KLHL1: variants seen among roughly 807,000 people sequenced by gnomAD.
KLHL1 encodes the protein kelch-like protein 1.
In KLHL1, 47 loss-of-function variants were observed where a neutral mutation model predicts 77.7. That is an observed-to-expected ratio of 0.60 (90% CI 0.48 to 0.77). The LOEUF is 0.77. Among genes scored for constraint, KLHL1 ranks in the 30% least tolerant of loss-of-function variants. The pLI is 0.00. For missense variants in KLHL1, 925 were observed against 910.8 expected (o/e 1.02, Z -0.20); for synonymous variants, 360 against 325.2 (o/e 1.11, Z -1.15).
At chr13:69,827,698 T>C (rs148311375) in intron 6 of KLHL1, among the ~76,000 whole-genome samples, 2,232 of 130,846 alleles carry the variant, frequency 0.017, 56 homozygotes, top group African/African-American at 0.061. Context: ...GCCACTGCAC[T>C]CCAGCCTGGC....
chr13:69,834,231 C>T (rs943599668), intron 6 of KLHL1, among the ~76,000 whole-genome samples: 1 of 150,958 alleles, frequency 6.6e-6, no homozygotes, highest in Non-Finnish European at 1.5e-5. Context: ...TCCCACAAAC[C>T]TATTGAAATT....
chr13:70,003,527 C>T (rs1246125936), intron 1 of KLHL1, among the ~76,000 whole-genome samples: 2 of 151,780 alleles, frequency 1.3e-5, no homozygotes, highest in African/African-American at 4.8e-5. Context: ...GTCATATTCA[C>T]TGCCTCCCTT....
intron 5 of KLHL1, among the ~76,000 whole-genome samples, chr13:69,839,501 G>A (rs1879159152): frequency 6.6e-6 from 1 of 151,810 alleles, no homozygotes; most frequent in Non-Finnish European, 1.5e-5. Context: ...AACATGTCAG[G>A]TGAAAGACAT....
intron 1 of KLHL1, among the ~76,000 whole-genome samples, chr13:69,976,029 AAG>A (rs1257020337): frequency 1.3e-5 from 2 of 152,156 alleles, no homozygotes; most frequent in African/African-American, 4.8e-5. Flanking sequence ...AGTTCTTTAA[AAG>A]AGGTTTAAAA....
chr13:69,789,050 TC>T (rs1876724085), intron 7 of KLHL1, among the ~76,000 whole-genome samples: 2 of 104,098 alleles, frequency 1.9e-5, no homozygotes, highest in Non-Finnish European at 2.1e-5. Flanking sequence ...TATCTATCTA[TC>T]TATCTATCTA....
At chr13:69,782,131 T>A (rs888258351) in intron 7 of KLHL1, among the ~76,000 whole-genome samples, 1 of 152,092 alleles carries the variant, frequency 6.6e-6, no homozygotes, top group African/African-American at 2.4e-5. Flanking sequence ...TTAAGCTCTC[T>A]CTTGGAAGAT....
intron 1 of KLHL1, among the ~76,000 whole-genome samples, chr13:70,043,536 T>A (rs2137382422): frequency 6.6e-6 from 1 of 152,288 alleles, no homozygotes; most frequent in Non-Finnish European, 1.5e-5. Flanking sequence ...CCAGAGCAAC[T>A]TTCAGTTGTG....
intron 5 of KLHL1, among the ~76,000 whole-genome samples, chr13:69,840,639 A>C (rs959014771): frequency 1.3e-5 from 2 of 151,720 alleles, no homozygotes; most frequent in African/African-American, 4.8e-5. Flanking sequence ...TTGTATACTA[A>C]TACCTTAGCT....
At chr13:69,909,798 A>C (rs1882175378) in intron 4 of KLHL1, among the ~76,000 whole-genome samples, 1 of 152,194 alleles carries the variant, frequency 6.6e-6, no homozygotes, top group African/African-American at 2.4e-5. Context: ...ATTATACCCC[A>C]AAATTATCAC....
At chr13:69,891,311 T>C (rs982695720) in intron 4 of KLHL1, among the ~76,000 whole-genome samples, 1 of 151,998 alleles carries the variant, frequency 6.6e-6, no homozygotes, top group East Asian at 1.9e-4. Flanking sequence ...AATATGAGAG[T>C]ATTAATTTTT....
At chr13:69,840,141 T>C (rs1011098953) in intron 5 of KLHL1, among the ~76,000 whole-genome samples, 2 of 152,112 alleles carry the variant, frequency 1.3e-5, no homozygotes, top group African/African-American at 4.8e-5. Context: ...ACTATAATTA[T>C]GACTTTAATT....
chr13:69,720,058 A>G, intron 8 of KLHL1, among the ~76,000 whole-genome samples: 1 of 152,114 alleles, frequency 6.6e-6, no homozygotes, highest in East Asian at 1.9e-4. Flanking sequence ...AATAAATGTA[A>G]TAAACTAAAA....
intron 10 of KLHL1, 66 bp downstream of exon 10, chr13:69,707,559 C>T (rs567350854): frequency 2.1e-6 from 3 of 1,463,250 alleles, no homozygotes; most frequent in African/African-American, 1.4e-5. Flanking sequence ...GTATACCCCT[C>T]CTCCACAGAA....
At chr13:69,717,016 C>T (rs533789680) in intron 9 of KLHL1, among the ~76,000 whole-genome samples, 1 of 152,218 alleles carries the variant, frequency 6.6e-6, no homozygotes, top group East Asian at 1.9e-4. Flanking sequence ...TCCTCATTCT[C>T]ATTCAGTCCC....
At chr13:69,717,024 C>T (rs1872792350) in intron 9 of KLHL1, among the ~76,000 whole-genome samples, 1 of 152,114 alleles carries the variant, frequency 6.6e-6, no homozygotes, top group Admixed American at 6.6e-5. Context: ...CTCATTCAGT[C>T]CCTGCCTTCT....
intron 7 of KLHL1, among the ~76,000 whole-genome samples, chr13:69,774,757 A>T (rs1040393965): frequency 1.3e-5 from 2 of 152,112 alleles, no homozygotes; most frequent in African/African-American, 4.8e-5. Flanking sequence ...CTTGTATATT[A>T]ACTTTGCAGA....
rs146036287 is a variant in KLHL1, at chr13:70,004,557, G to C, written c.498-28755C>G. Among the ~76,000 whole-genome samples the C allele has an allele frequency of 3.3e-3, 498 of 151,746 alleles. 3 individuals carry two copies. The highest frequency in any genetic ancestry group is 0.011 in the African/African-American group (473 of 41,434). ...CCACGTTTCCTTTTTTTGTATTATA[G>C]TCTTTGTTGATTATTATGATTATAA... is the stretch of plus-strand genomic sequence containing the variant. On this transcript the variant is annotated intron_variant, in intron 1 of 10. Coordinates refer to ENST00000377844, the MANE Select transcript of KLHL1 (RefSeq NM_020866.3).
chr13:69,985,751 A>G (rs1371728047), intron 1 of KLHL1, among the ~76,000 whole-genome samples: 1 of 148,198 alleles, frequency 6.7e-6, no homozygotes, highest in African/African-American at 2.5e-5. Flanking sequence ...ATCAAAGGCT[A>G]AATGGATAAA....
intron 7 of KLHL1, among the ~76,000 whole-genome samples, chr13:69,758,481 T>A (rs1874869769): frequency 6.6e-6 from 1 of 152,122 alleles, no homozygotes; most frequent in Non-Finnish European, 1.5e-5. Flanking sequence ...CCAGACAAAA[T>A]GACTTTTTCT....
Sources: allele counts gnomAD v4.1 joint callset (sites outside exome capture counted in the v4.1 genomes callset), GRCh38; gene constraint gnomAD v4.1.1; transcripts MANE v1.5; gene names NCBI Gene and HGNC (gene_info 2026-07-23, HGNC 2026-07-21).